Variants in EIF2D observed in about 807,000 individuals in gnomAD.
The protein encoded by EIF2D is hepatocellular carcinoma-associated antigen 56.
EIF2D carries 56 observed loss-of-function variants against 77.4 expected under a neutral mutation model. The ratio of observed to expected loss-of-function variants is 0.72; its 90% CI spans 0.58 to 0.90. The LOEUF is 0.90. Ranked by LOEUF, EIF2D falls within the 40% of genes least tolerant of loss-of-function variation. The pLI, the probability that EIF2D is intolerant of heterozygous loss-of-function variation, is 0.00. For synonymous variants in EIF2D, 230 were observed against 271.0 expected (o/e 0.85, Z 1.49); for missense variants, 574 against 706.5 (o/e 0.81, Z 2.13).
rs193130663 is a variant in EIF2D at position 206,581,945 on chromosome 1, A to G, written c.139-783T>C. 1.1e-3 allele frequency among the ~76,000 whole-genome samples: 163 copies of G among 152,236 alleles called. 1 individual carries two copies. Among genetic ancestry groups the G allele is most frequent in the Admixed American group, 9.3e-3 (143 of 15,300 alleles). On this transcript the variant is annotated intron_variant and NMD_transcript_variant, in intron 2 of 5. Coordinates refer to the EIF2D transcript ENST00000472709. Reference sequence around the variant, plus strand: ...CGTCGCGGCAGCTGTGAAATTCCCCAGCCAAACCCAGACACCCACAGGACA... The same window carrying G: ...CGTCGCGGCAGCTGTGAAATTCCCCGGCCAAACCCAGACACCCACAGGACA...
downstream of EIF2D, among the ~76,000 whole-genome samples, chr1:206,590,761 T>G (rs1553408810): frequency 6.6e-6 from 1 of 152,210 alleles, no homozygotes; most frequent in Admixed American, 6.5e-5. Context: ...TTTTAAGCCT[T>G]TCTTATCTCA....
Position 206,579,822 on chromosome 1 carries a change from G to A in EIF2D, c.*254+870C>T, listed in dbSNP as rs989643022. On this transcript the variant is annotated intron_variant and NMD_transcript_variant, in intron 4 of 5. Coordinates refer to the EIF2D transcript ENST00000472709. This position sits in a 1 kb window ranked among gnomAD's most constrained non-coding sequence, Gnocchi z 4.2. ...CTGGATTATACGCCATCTCTTGGGTGGAAAAAGGATCCGTGAGCCCTCGTG... is the reference window on the plus strand; with the variant it reads ...CTGGATTATACGCCATCTCTTGGGTAGAAAAAGGATCCGTGAGCCCTCGTG... Among the ~76,000 whole-genome samples the A allele has an allele frequency of 1.3e-5, 2 of 152,184 alleles. No homozygotes were observed. Among genetic ancestry groups the A allele is most frequent in the African/African-American group, 4.8e-5 (2 of 41,430 alleles).
At chr1:206,601,174 C>T (rs747592357) in intron 7 of EIF2D, 1 of 152,236 alleles carries the variant, frequency 6.6e-6, no homozygotes, top group Non-Finnish European at 1.5e-5. Flanking sequence ...ACACTCCAGA[C>T]ACCACATTTG....
chr1:206,609,360 A>T lies in EIF2D; in HGVS notation c.331+16T>A, dbSNP rs782188111. 1 of 1,611,664 alleles carries T rather than the reference A, an allele frequency of 6.2e-7. No homozygotes were observed. On this transcript the variant is annotated intron_variant, in intron 3 of 14. Coordinates refer to ENST00000271764, the MANE Select transcript of EIF2D (RefSeq NM_006893.3). The stretch of plus-strand genomic sequence containing the variant: ...AGGTTTCAGCCAATAGCCAGAATAT[A>T]GGAGAATCCTCTTACCTGCTCCCCC...
At chr1:206,611,044 G>A (rs1180205165) in intron 2 of EIF2D, 140 bp downstream of exon 2, 7 of 753,552 alleles carry the variant, frequency 9.3e-6, no homozygotes, top group Admixed American at 6.1e-5. Context: ...GGAACACCAG[G>A]TCCATAAAGA....
At position 206,579,472 on chromosome 1, in the gene EIF2D, T is replaced by C. The variant is rs951250786; in HGVS notation, c.*254+1220A>G. Among the ~76,000 whole-genome samples, 1 of 152,214 alleles carries C rather than the reference T, an allele frequency of 6.6e-6. No individual in the cohort carries two copies. Among genetic ancestry groups the C allele is most frequent in the Non-Finnish European group, 1.5e-5 (1 of 68,034 alleles). On this transcript the variant is annotated intron_variant and NMD_transcript_variant, in intron 4 of 5. Transcript: ENST00000472709. This position sits in a 1 kb window ranked among gnomAD's most constrained non-coding sequence, Gnocchi z 4.2. ...CTTTGTCTTATCCTCTGAAGATTGC[T>C]ATAGTATCGATCTCGCTCTCATGGC...
At position 206,599,474 on chromosome 1, in the gene EIF2D, C is replaced by A; in HGVS notation, c.1191G>T (p.Glu397Asp). The A allele has an allele frequency of 6.2e-7, 1 of 1,613,858 alleles. No individual in the cohort carries two copies. The highest frequency in any genetic ancestry group is 8.5e-7 in the Non-Finnish European group (1 of 1,179,926). Residue 397 changes from glutamate to aspartate, a missense_variant, in exon 10 of 15, where the codon GAG (glutamate) becomes GAT (aspartate). Transcript: ENST00000271764. The surrounding 1 kb of genome is among the most constrained non-coding windows in gnomAD (Gnocchi z 4.1). ...VPASMTLLFQ[E>D]SGHKKGSFLE... is the part of the protein sequence containing the mutation. ...CTCCAAAAACTCACTTGTGGCCAGA[C>A]TCCTGGAAGAGCAGGGTCATGCTGG...
chr1:206,571,974 A>T (rs1045757407), intron 5 of EIF2D, among the ~76,000 whole-genome samples: 8 of 152,154 alleles, frequency 5.3e-5, no homozygotes, highest in African/African-American at 1.9e-4. Flanking sequence ...TCTGAGCTAA[A>T]AAGGGGGCTT....
In EIF2D at chr1:206,591,645, A is replaced by C; in HGVS notation, c.*130T>G. ...AGGAAACAAGAGGGAAGTCAGATTTAGATTAGAATAAAAATTTATTTTTGT... is the reference window on the plus strand; with the variant it reads ...AGGAAACAAGAGGGAAGTCAGATTTCGATTAGAATAAAAATTTATTTTTGT... On this transcript the variant is annotated 3_prime_UTR_variant, in exon 15 of 15. Transcript: ENST00000271764. 2.4e-6 allele frequency: 2 copies of C among 847,648 alleles called. No homozygotes were observed. Among genetic ancestry groups the C allele is most frequent in the Non-Finnish European group, 3.7e-6 (2 of 537,212 alleles). 52.5% of individuals were successfully genotyped at this position (847,648 alleles called of 1,614,324 possible). A position where few individuals can be genotyped will look rare whatever the true frequency, so the allele number is the denominator to read the frequency against.
intron 5 of EIF2D, among the ~76,000 whole-genome samples, chr1:206,572,365 G>C (rs1572352274): frequency 6.6e-6 from 1 of 152,164 alleles, no homozygotes; most frequent in African/African-American, 2.4e-5. Context: ...TGGCCTTGGA[G>C]TGGCTGTGGA....
In EIF2D at chr1:206,608,230, C is replaced by T. The variant is rs1553413080; in HGVS notation, c.422+6G>A. 5.0e-6 allele frequency: 8 copies of T among 1,611,142 alleles called. No individual in the cohort carries two copies. The Admixed American group carries it at 5.0e-5, about 10-fold the overall frequency. The stretch of plus-strand genomic sequence containing the variant: ...CCCCCAAAGGCACAGTTGCCTGGCA[C>T]AGTACCTGTTCCCCACCAAAGAAAT... On this transcript the variant is annotated splice_donor_region_variant and intron_variant, in intron 4 of 14. Transcript: ENST00000271764.
chr1:206,579,995 G>A lies in EIF2D; in HGVS notation c.*254+697C>T, dbSNP rs997185379. 1.3e-5 allele frequency among the ~76,000 whole-genome samples: 2 copies of A among 152,146 alleles called. No individual in the cohort carries two copies. Among genetic ancestry groups the A allele is most frequent in the Non-Finnish European group, 2.9e-5 (2 of 68,032 alleles). ...GACATTCGTAGTGTTGGCTACACAC[G>A]GGGCTCCTGGCACTCCCAGACAGGG... On this transcript the variant is annotated intron_variant and NMD_transcript_variant, in intron 4 of 5. Transcript: ENST00000472709. This position sits in a 1 kb window ranked among gnomAD's most constrained non-coding sequence, Gnocchi z 4.2.
At chr1:206,585,502 C>T (rs1553407462) in intron 2 of EIF2D, 1 of 452,918 alleles carries the variant, frequency 2.2e-6, no homozygotes, top group African/African-American at 2.0e-5. Context: ...CACATTAGGG[C>T]CTGTGTGTGG....
intron 4 of EIF2D, 78 bp from the exon 5 acceptor site, chr1:206,605,585 A>G (rs1335540096): frequency 9.5e-6 from 12 of 1,258,426 alleles, no homozygotes; most frequent in Admixed American, 2.0e-5. Context: ...CTTCTGACAC[A>G]TGTGGTAAAA....
chr1:206,578,529 T>C (rs1376169609), intron 4 of EIF2D, among the ~76,000 whole-genome samples: 1 of 152,172 alleles, frequency 6.6e-6, no homozygotes, highest in Non-Finnish European at 1.5e-5. Context: ...TGACTTCTGA[T>C]GGGCAAACAG....
intron 4 of EIF2D, among the ~76,000 whole-genome samples, chr1:206,607,893 A>G (rs544518986): frequency 2.6e-5 from 4 of 152,330 alleles, no homozygotes; most frequent in Admixed American, 2.0e-4. Context: ...TATTGTGGTT[A>G]TGTAAGAGGC....
At chr1:206,600,707 C>T (rs1669885529) in intron 7 of EIF2D, 1 of 160,160 alleles carries the variant, frequency 6.2e-6, no homozygotes, top group African/African-American at 2.4e-5. Context: ...TTAGATTCCT[C>T]CCAGACCAGA....
intron 2 of EIF2D, chr1:206,583,337 C>T (rs782168360): frequency 1.2e-6 from 2 of 1,613,870 alleles, no homozygotes; most frequent in African/African-American, 2.7e-5. Context: ...AGAAGATCGA[C>T]AGCTACAACA....
rs781952979 is a variant in EIF2D at position 206,584,350 on chromosome 1, A to G, written c.139-3188T>C. 2 of 1,573,274 alleles carry G rather than the reference A, an allele frequency of 1.3e-6. No individual in the cohort carries two copies. The highest frequency in any genetic ancestry group is 3.5e-5 in the Admixed American group (2 of 56,360). ...TGGCAGATATGATCATGCAAGGCGG[A>G]CGGCCCTGACCCCCTGTGACATGCC... On this transcript the variant is annotated intron_variant and NMD_transcript_variant, in intron 2 of 5. Coordinates refer to the EIF2D transcript ENST00000472709. This position sits in a 1 kb window ranked among gnomAD's most constrained non-coding sequence, Gnocchi z 4.9.
Sources: allele counts gnomAD v4.1 joint callset (sites outside exome capture counted in the v4.1 genomes callset), GRCh38; gene constraint gnomAD v4.1.1; non-coding constraint Gnocchi (gnomAD v3.1); transcripts MANE v1.5; gene names NCBI Gene and HGNC (gene_info 2026-07-23, HGNC 2026-07-21).